LRRC53: variants seen among roughly 807,000 people sequenced by gnomAD.
The protein encoded by LRRC53 is leucine-rich repeat-containing protein 53.
LRRC53 carries 25 observed loss-of-function variants against 13.6 expected under a neutral mutation model. That is an observed-to-expected ratio of 1.83 (90% CI 1.34 to 2.56). The LOEUF is 2.56. LRRC53 is among the 30% of genes most tolerant of loss of function. The pLI, the probability that LRRC53 is intolerant of heterozygous loss-of-function variation, is 0.00. For synonymous variants in LRRC53, 204 were observed against 109.8 expected (o/e 1.86, Z -5.37); for missense variants, 527 against 275.8 (o/e 1.91, Z -6.45).
At chr1:74,508,696 T>C (rs1274902108) in intron 1 of LRRC53, among the ~76,000 whole-genome samples, 1 of 152,122 alleles carries the variant, frequency 6.6e-6, no homozygotes, top group African/African-American at 2.4e-5. Flanking sequence ...ACCCGGGGCA[T>C]ATGTCTGGTA....
intron 1 of LRRC53, among the ~76,000 whole-genome samples, chr1:74,511,141 G>C (rs1289697068): frequency 6.6e-6 from 1 of 151,604 alleles, no homozygotes; most frequent in East Asian, 1.9e-4. Context: ...TGATCCATCC[G>C]CCTTGGCCTC....
intron 1 of LRRC53, among the ~76,000 whole-genome samples, chr1:74,485,109 CTAGTGA>C: frequency 6.6e-6 from 1 of 152,112 alleles, no homozygotes; most frequent in East Asian, 1.9e-4. Context: ...AACTTTCTAG[CTAGTGA>C]TAGACATGTA....
chr1:74,478,823 G>A (rs567866114), intron 3 of LRRC53, among the ~76,000 whole-genome samples: 182 of 152,222 alleles, frequency 1.2e-3, no homozygotes, highest in Non-Finnish European at 1.8e-3. Flanking sequence ...GCACATTTAA[G>A]GGAAACCTCT....
chr1:74,474,967 A>T (rs1332947236), intron 4 of LRRC53, among the ~76,000 whole-genome samples: 2 of 151,582 alleles, frequency 1.3e-5, no homozygotes, highest in Non-Finnish European at 2.9e-5. Flanking sequence ...TAGCTATCCC[A>T]TAGATCTTAA....
intron 1 of LRRC53, among the ~76,000 whole-genome samples, chr1:74,508,404 T>C (rs1360731087): frequency 6.6e-6 from 1 of 152,222 alleles, no homozygotes; most frequent in East Asian, 1.9e-4. Flanking sequence ...AAGAAGGTAT[T>C]ATGATTTTTT....
chr1:74,515,745 A>G (rs1348576923), upstream of LRRC53, among the ~76,000 whole-genome samples: 1 of 152,250 alleles, frequency 6.6e-6, no homozygotes, highest in African/African-American at 2.4e-5. Context: ...TGGCAATGAC[A>G]TTCAAGTAGG....
intron 1 of LRRC53, among the ~76,000 whole-genome samples, chr1:74,507,073 T>C (rs1344940448): frequency 2.0e-5 from 3 of 152,204 alleles, no homozygotes; most frequent in Admixed American, 2.0e-4. Flanking sequence ...TATCTTAATT[T>C]AGTTACAAAT....
At chr1:74,529,922 A>T in the LRRC53 span, among the ~76,000 whole-genome samples, 3 of 152,126 alleles carry the variant, frequency 2.0e-5, no homozygotes, top group Non-Finnish European at 4.4e-5. Flanking sequence ...TCCTTAGAGC[A>T]TGTCCTTTCT....
intron 1 of LRRC53, among the ~76,000 whole-genome samples, chr1:74,511,857 G>A (rs535841993): frequency 2.0e-5 from 3 of 152,188 alleles, no homozygotes; most frequent in Non-Finnish European, 2.9e-5. Flanking sequence ...CAGGGACAAA[G>A]GCAGGAAAGT....
the LRRC53 span, among the ~76,000 whole-genome samples, chr1:74,533,786 A>G: frequency 6.6e-6 from 1 of 152,140 alleles, no homozygotes; most frequent in African/African-American, 2.4e-5. Context: ...ATTGGAAATC[A>G]TCATTCTCAG....
At chr1:74,533,248 A>G in the LRRC53 span, among the ~76,000 whole-genome samples, 6 of 152,186 alleles carry the variant, frequency 3.9e-5, no homozygotes, top group African/African-American at 1.4e-4. Flanking sequence ...AAAAGTGGGC[A>G]AAGGACATGA....
intron 4 of LRRC53, among the ~76,000 whole-genome samples, chr1:74,473,447 TA>T (rs1478434392): frequency 6.6e-6 from 1 of 152,158 alleles, no homozygotes; most frequent in Non-Finnish European, 1.5e-5. Context: ...AGAAGTTTTT[TA>T]TTCCATGAGA....
chr1:74,531,834 C>A, the LRRC53 span, among the ~76,000 whole-genome samples: 1 of 152,272 alleles, frequency 6.6e-6, no homozygotes, highest in South Asian at 2.1e-4. Context: ...GATCCTTGTG[C>A]TAATATTATC....
chr1:74,516,983 G>T (rs1253931932), upstream of LRRC53, among the ~76,000 whole-genome samples: 1 of 152,114 alleles, frequency 6.6e-6, no homozygotes, highest in African/African-American at 2.4e-5. Context: ...ATGCTCCCAT[G>T]AGCATCATTA....
At chr1:74,474,370 A>G (rs1220866577) in intron 4 of LRRC53, among the ~76,000 whole-genome samples, 5 of 151,900 alleles carry the variant, frequency 3.3e-5, no homozygotes, top group Non-Finnish European at 7.4e-5. Context: ...ACTGGTAAGA[A>G]CTGGAGTGTG....
At chr1:74,528,425 G>T in the LRRC53 span, among the ~76,000 whole-genome samples, 1 of 152,142 alleles carries the variant, frequency 6.6e-6, no homozygotes, top group East Asian at 1.9e-4. Flanking sequence ...TGAGAGTGAG[G>T]AAGCCTTCTG....
chr1:74,494,148 G>A (rs1669216320), intron 1 of LRRC53, among the ~76,000 whole-genome samples: 1 of 152,072 alleles, frequency 6.6e-6, no homozygotes, highest in South Asian at 2.1e-4. Context: ...CAAAGCATTT[G>A]CACACGGCCC....
chr1:74,516,949 A>C (rs1323749577), upstream of LRRC53, among the ~76,000 whole-genome samples: 1 of 152,206 alleles, frequency 6.6e-6, no homozygotes, highest in African/African-American at 2.4e-5. Flanking sequence ...TCTCTACAGA[A>C]GTCTAAAAGA....
chr1:74,488,854 T>C (rs1156385529), intron 1 of LRRC53, among the ~76,000 whole-genome samples: 1 of 152,224 alleles, frequency 6.6e-6, no homozygotes, highest in East Asian at 1.9e-4. Flanking sequence ...ACTGAGATAG[T>C]TAATAGTTTT....
Sources: gnomAD v4.1 joint callset for allele counts (sites outside exome capture counted in the v4.1 genomes callset) on GRCh38, gnomAD v4.1.1 for gene constraint, MANE v1.5 for transcripts, NCBI Gene and HGNC (gene_info 2026-07-23, HGNC 2026-07-21) for gene names.